Variants in FAM163B observed in about 807,000 individuals in gnomAD.
The protein encoded by FAM163B is protein FAM163B.
Under a neutral mutation model 7.6 loss-of-function variants are expected in FAM163B, and 4 were observed. The observed-to-expected ratio is 0.52, with a 90% CI of 0.26 to 1.20. The LOEUF (loss-of-function observed/expected upper bound fraction) is 1.20, where lower values mean the gene tolerates loss of function less well. Among genes scored for constraint, FAM163B ranks in the 50% most tolerant of loss-of-function variants. FAM163B has a pLI of 0.14. For missense variants in FAM163B, 250 were observed against 243.0 expected (o/e 1.03, Z -0.19); for synonymous variants, 120 against 111.6 (o/e 1.07, Z -0.47).
At chr9:133,607,185 G>A (rs902845941) in intron 1 of FAM163B, among the ~76,000 whole-genome samples, 20 of 152,178 alleles carry the variant, frequency 1.3e-4, no homozygotes, top group African/African-American at 4.3e-4. Flanking sequence ...ATGGCTCAGA[G>A]GGGGGACATG....
rs1276014160 is a variant in FAM163B, at chr9:133,600,122, ATG to A, written c.-24+8953_-24+8954del. On this transcript the variant is annotated intron_variant, in intron 1 of 2. Transcript: ENST00000673969. The surrounding 1 kb of genome is among the most constrained non-coding windows in gnomAD (Gnocchi z 4.9). Reference sequence around the variant, plus strand: ...CTCTGAATGTGTGTGGTCTATGTGTATGTGTGTCTGTGTGCGTGTGTGAATGT... The same window carrying A: ...CTCTGAATGTGTGTGGTCTATGTGTATGTGTCTGTGTGCGTGTGTGAATGT... Among the ~76,000 whole-genome samples the A allele has an allele frequency of 7.2e-5, 10 of 138,010 alleles. No individual in the cohort carries two copies. The highest frequency in any genetic ancestry group is 7.2e-4 in the Admixed American group (10 of 13,914). 90.5% of individuals were successfully genotyped at this position (138,010 alleles called of 152,430 possible).
rs1831722771 is a variant in FAM163B, at chr9:133,601,026, G to A, written c.-24+8051C>T. On this transcript the variant is annotated intron_variant, in intron 1 of 2. Transcript: ENST00000673969. This position sits in a 1 kb window ranked among gnomAD's most constrained non-coding sequence, Gnocchi z 4.1. ...CAAGTACCAGCCATGAGGACCCCTG[G>A]GAGGGCCCTACCCGCCTGCAAGCTC... 6.6e-6 allele frequency among the ~76,000 whole-genome samples: 1 copy of A among 152,106 alleles called. No homozygotes were observed. The highest frequency in any genetic ancestry group is 2.4e-5 in the African/African-American group (1 of 41,424).
chr9:133,609,049 C>T (rs903094467), intron 1 of FAM163B, among the ~76,000 whole-genome samples, 28 bp downstream of exon 1: 1 of 152,214 alleles, frequency 6.6e-6, no homozygotes, highest in Admixed American at 6.5e-5. Flanking sequence ...CCCCACACCC[C>T]GTGACCCGCG....
chr9:133,602,117 C>T (rs375517952), intron 1 of FAM163B, among the ~76,000 whole-genome samples: 21 of 151,668 alleles, frequency 1.4e-4, no homozygotes, highest in African/African-American at 4.4e-4. Flanking sequence ...TTAGCATTGC[C>T]GCAGGGGCCA....
Position 133,601,510 on chromosome 9 carries a change from C to G in FAM163B, c.-24+7567G>C, listed in dbSNP as rs117956167. On this transcript the variant is annotated intron_variant, in intron 1 of 2. Transcript: ENST00000673969. The surrounding 1 kb of genome is among the most constrained non-coding windows in gnomAD (Gnocchi z 4.1). ...GGCCTGGCCAGGCGAGACCCACTCT[C>G]TCTGGAGTTCCCTTCCGATTACTGA... 0.041 allele frequency among the ~76,000 whole-genome samples: 6,199 copies of G among 152,244 alleles called. 146 individuals are homozygous for G. The highest frequency in any genetic ancestry group is 0.082 in the Middle Eastern group (24 of 294).
intron 1 of FAM163B, among the ~76,000 whole-genome samples, chr9:133,605,686 C>G (rs1201527363): frequency 1.3e-5 from 2 of 152,296 alleles, no homozygotes; most frequent in East Asian, 3.9e-4. Context: ...AGTCCTCCCC[C>G]AGGGCCCCGG....
chr9:133,586,212 G>A (rs1831435683), intron 1 of FAM163B: 1 of 152,242 alleles, frequency 6.6e-6, no homozygotes, highest in South Asian at 2.1e-4. Context: ...TGCGGGGCCT[G>A]GAGGGCAGTT....
rs1564193446 is a variant in FAM163B, at chr9:133,590,071, C to CCCTT, written c.-23-9829_-23-9826dup. 9.5e-3 allele frequency among the ~76,000 whole-genome samples: 164 copies of CCCTT among 17,304 alleles called. 15 individuals carry two copies. The highest frequency in any genetic ancestry group is 0.016 in the Non-Finnish European group (104 of 6,632). The allele number at this position is 17,304 out of a possible 152,430, so 11.4% of individuals were successfully genotyped here. ...CCTTCCCTTCCCTTCCCTTCCCCTT[C>CCCTT]CCTTCCCCTTCCCCTTCCCTTCCCC... On this transcript the variant is annotated intron_variant, in intron 1 of 2. Transcript: ENST00000673969.
At chr9:133,589,762 G>A (rs1831508956) in intron 1 of FAM163B, among the ~76,000 whole-genome samples, 1 of 152,192 alleles carries the variant, frequency 6.6e-6, no homozygotes, top group Non-Finnish European at 1.5e-5. Flanking sequence ...GATCCCCAGT[G>A]TTTCCCAGGG....
At chr9:133,605,069 C>T (rs1457047814) in intron 1 of FAM163B, among the ~76,000 whole-genome samples, 1 of 152,216 alleles carries the variant, frequency 6.6e-6, no homozygotes, top group Non-Finnish European at 1.5e-5. Context: ...GCCTGCTTGC[C>T]AGGTGCAGAC....
At position 133,590,126 on chromosome 9, in the gene FAM163B, C is replaced by T. The variant is rs1295576533; in HGVS notation, c.-23-9880G>A. ...CCTTCCCTTCCCCTCCCCTTCCCCT[C>T]CCCTTCCCCTCCCCTTCCCCTCCCC... On this transcript the variant is annotated intron_variant, in intron 1 of 2. Transcript: ENST00000673969. 5.9e-4 allele frequency among the ~76,000 whole-genome samples: 16 copies of T among 27,172 alleles called. 1 individual carries two copies. The highest frequency in any genetic ancestry group is 7.4e-4 in the Non-Finnish European group (9 of 12,084). 17.8% of individuals were successfully genotyped at this position (27,172 alleles called of 152,430 possible).
intron 1 of FAM163B, among the ~76,000 whole-genome samples, chr9:133,592,065 C>T (rs897473256): frequency 6.6e-6 from 1 of 152,126 alleles, no homozygotes; most frequent in African/African-American, 2.4e-5. Flanking sequence ...CCTTGTTTTT[C>T]TGGAGCTGCT....
At chr9:133,582,706 T>A (rs1831374226) in intron 1 of FAM163B, among the ~76,000 whole-genome samples, 1 of 152,162 alleles carries the variant, frequency 6.6e-6, no homozygotes, top group Non-Finnish European at 1.5e-5. Context: ...GTTTATTGGG[T>A]TTGGGATGGA....
At position 133,577,812 on chromosome 9, in the gene FAM163B, C is replaced by T. The variant is rs1401219329; in HGVS notation, c.*1210G>A. Among the ~76,000 whole-genome samples the T allele has an allele frequency of 1.4e-4, 22 of 152,200 alleles. No individual in the cohort carries two copies. The highest frequency in any genetic ancestry group is 5.1e-4 in the African/African-American group (21 of 41,446). On this transcript the variant is annotated 3_prime_UTR_variant, in exon 3 of 3. Transcript: ENST00000673969. Reference sequence around the variant, plus strand: ...GGCATTTCTCTGGGGTAGCCATTGACGTCATTTCCTTAGCAGCAGGAGAGC... The same window carrying T: ...GGCATTTCTCTGGGGTAGCCATTGATGTCATTTCCTTAGCAGCAGGAGAGC...
rs1379104345 is a variant in FAM163B, at chr9:133,601,903, C to G, written c.-24+7174G>C. On this transcript the variant is annotated intron_variant, in intron 1 of 2. Coordinates refer to ENST00000673969, the MANE Select transcript of FAM163B (RefSeq NM_001080515.3). The surrounding 1 kb of genome is among the most constrained non-coding windows in gnomAD (Gnocchi z 4.1). ...GGGAGGAGCCTCAGGGAGGAAGGGACTCTGAGGGTTCGAGAAACAGGCAGT... is the reference window on the plus strand; with the variant it reads ...GGGAGGAGCCTCAGGGAGGAAGGGAGTCTGAGGGTTCGAGAAACAGGCAGT... 6.6e-6 allele frequency among the ~76,000 whole-genome samples: 1 copy of G among 152,144 alleles called. No homozygotes were observed. Among genetic ancestry groups the G allele is most frequent in the East Asian group, 1.9e-4 (1 of 5,180 alleles).
intron 1 of FAM163B, among the ~76,000 whole-genome samples, chr9:133,596,254 C>T (rs1831631774): frequency 6.6e-6 from 1 of 151,944 alleles, no homozygotes; most frequent in African/African-American, 2.4e-5. Context: ...GTGCGGGGAG[C>T]CCCCGAGTTT....
chr9:133,577,205 A>G lies in FAM163B; in HGVS notation c.*1817T>C, dbSNP rs929743379. Among the ~76,000 whole-genome samples the G allele has an allele frequency of 6.7e-4, 102 of 152,316 alleles. No homozygotes were observed. The highest frequency in any genetic ancestry group is 2.3e-3 in the African/African-American group (97 of 41,580). On this transcript the variant is annotated 3_prime_UTR_variant, in exon 3 of 3. Transcript: ENST00000673969. ...CTTACTTCGTTTCAAAGAGATCTACATATCTACAGAGAGGATGGAGACCAG... is the reference window on the plus strand; with the variant it reads ...CTTACTTCGTTTCAAAGAGATCTACGTATCTACAGAGAGGATGGAGACCAG...
chr9:133,592,174 G>A (rs1831562411), intron 1 of FAM163B, among the ~76,000 whole-genome samples: 1 of 152,132 alleles, frequency 6.6e-6, no homozygotes. Context: ...TAAACAGTGG[G>A]TGCTCCATAA....
intron 1 of FAM163B, among the ~76,000 whole-genome samples, chr9:133,589,900 G>A (rs1188737800): frequency 1.3e-5 from 2 of 152,200 alleles, no homozygotes; most frequent in Admixed American, 6.5e-5. Context: ...GTCAGGAAAT[G>A]GGGGGTGGGA....
Sources: gnomAD v4.1 joint callset for allele counts (sites outside exome capture counted in the v4.1 genomes callset) on GRCh38, gnomAD v4.1.1 for gene constraint, Gnocchi (gnomAD v3.1) non-coding constraint, MANE v1.5 for transcripts, NCBI Gene and HGNC (gene_info 2026-07-23, HGNC 2026-07-21) for gene names.